The following OR9Q2 variants were observed in gnomAD, a reference collection of about 807,000 sequenced individuals.
OR9Q2 encodes the protein olfactory receptor 9Q2.
OR9Q2 carries 2 observed loss-of-function variants against 2.3 expected under a neutral mutation model. The observed-to-expected ratio is 0.85, with a 90% CI of 0.35 to 2.68. The LOEUF (loss-of-function observed/expected upper bound fraction) is 2.68. Ranked by LOEUF, OR9Q2 falls within the 30% of genes most tolerant of loss-of-function variation. The pLI, the probability that OR9Q2 is intolerant of heterozygous loss-of-function variation, is 0.10. For missense variants in OR9Q2, 404 were observed against 395.7 expected, an observed-to-expected ratio of 1.02 and a Z score of -0.18; for synonymous variants, 178 against 158.6, an observed-to-expected ratio of 1.12 and a Z score of -0.92.
At position 58,191,422 on chromosome 11, in the gene OR9Q2, C is replaced by T. The variant is rs1187018234; in HGVS notation, c.932C>T (p.Ala311Val). ...AAAGCCCTGAGCAAATCAAAGCCTG[C>T]TAGAAGACCCTAAATGGACCCTTGT... is the stretch of plus-strand genomic sequence containing the variant. ...TRKALSKSKP[A>V]RRP The change falls in exon 2 of 2, where the codon GCT becomes GTT. Residue 311 changes from alanine (A) to valine (V), a missense_variant. By Grantham distance (64) the Ala-to-Val change is moderately conservative (BLOSUM62 0). Transcript: ENST00000641291. 6.3e-7 allele frequency: 1 copy of T among 1,593,328 alleles called. No homozygotes were observed. The highest frequency in any genetic ancestry group is 8.6e-7 in the Non-Finnish European group (1 of 1,169,078).
rs775002294 is a variant in OR9Q2, at chr11:58,190,637, C to T, written c.147C>T (p.Ile49=). Residue 49 remains isoleucine (I), a synonymous_variant, in exon 2 of 2, where the codon ATC becomes ATT. Coordinates refer to ENST00000641291, the MANE Select transcript of OR9Q2 (RefSeq NM_001005283.3). The stretch of plus-strand genomic sequence containing the variant: ...GGAACACAGGCATGATCCTCCTGAT[C>T]CGTGGCGATCGTCGGCTCCACACCC... ...MLGNTGMILL[I]RGDRRLHTPM... is the part of the protein sequence containing the mutation. 7 of 1,614,026 alleles carry T rather than the reference C, an allele frequency of 4.3e-6. No individual in the cohort carries two copies. The Admixed American group carries it at 8.3e-5, about 19-fold the overall frequency.
At position 58,191,706 on chromosome 11, in the gene OR9Q2, T is replaced by TC; in HGVS notation, c.*273dup. ...TTTATCTGAGCTTCATTTCTATATG[T>TC]CCAGTTCCTAGCAAAGCACCTAGCA... On this transcript the variant is annotated 3_prime_UTR_variant, in exon 2 of 2. Transcript: ENST00000641291. 1 of 278,956 alleles carries TC rather than the reference T, an allele frequency of 3.6e-6. No individual in the cohort carries two copies. The highest frequency in any genetic ancestry group is 6.1e-5 in the East Asian group (1 of 16,338). 17.3% of individuals were successfully genotyped at this position (278,956 alleles called of 1,614,324 possible). A position where few individuals can be genotyped will look rare whatever the true frequency, so the allele number is the denominator to read the frequency against.
At position 58,192,336 on chromosome 11, in the gene OR9Q2, T is replaced by C. The variant is rs145691547; in HGVS notation, c.*901T>C. On this transcript the variant is annotated 3_prime_UTR_variant, in exon 2 of 2. Transcript: ENST00000641291. ...ATTCTCAAGGTCGGCAAGCAAGTAG[T>C]TGGGTGGGGCTTCCACCCAGCTAGG... The C allele has an allele frequency of 1.8e-3, 271 of 152,290 alleles. 1 individual carries two copies. Among genetic ancestry groups the C allele is most frequent in the African/African-American group, 6.0e-3 (250 of 41,562 alleles). 9.4% of individuals were successfully genotyped at this position (152,290 alleles called of 1,614,324 possible). A position where few individuals can be genotyped will look rare whatever the true frequency, so the allele number is the denominator to read the frequency against.
chr11:58,189,175 A>T (rs1419848811), intron 1 of OR9Q2, 67 bp downstream of exon 1: 1 of 152,188 alleles, frequency 6.6e-6, no homozygotes, highest in African/African-American at 2.4e-5. Flanking sequence ...GGGGTAGAGG[A>T]AAGAGAGAGA....
chr11:58,190,949 T>C lies in OR9Q2; in HGVS notation c.459T>C (p.Phe153=). The C allele has an allele frequency of 6.2e-7, 1 of 1,614,214 alleles. No individual in the cohort carries two copies. Among genetic ancestry groups the C allele is most frequent in the Middle Eastern group, 1.6e-4 (1 of 6,062 alleles). ...TCACTGGGGCTTACGTTGCTGGTTT[T>C]TTCAGTGCCTTTGTTCGAACGGTCA... ...GLVTGAYVAG[F]FSAFVRTVTA... is the part of the protein sequence containing the mutation. The change falls in exon 2 of 2, where the codon TTT becomes TTC. Residue 153 remains phenylalanine, a synonymous_variant. Transcript: ENST00000641291.
In OR9Q2 at chr11:58,193,372, ATATCCTAGG is replaced by A. The variant is rs1316830608; in HGVS notation, c.*1940_*1948del. The A allele has an allele frequency of 6.6e-6, 1 of 152,226 alleles. No individual in the cohort carries two copies. Among genetic ancestry groups the A allele is most frequent in the African/African-American group, 2.4e-5 (1 of 41,458 alleles). The allele number at this position is 152,226 out of a possible 1,614,324, so 9.4% of individuals were successfully genotyped here. The stretch of plus-strand genomic sequence containing the variant: ...ATTCTTAAGCTAGTGCACACTTACC[ATATCCTAGG>A]TACAATGCTAAAAGCTTTACATGAA... On this transcript the variant is annotated 3_prime_UTR_variant, in exon 2 of 2. Transcript: ENST00000641291.
chr11:58,191,081 G>A lies in OR9Q2; in HGVS notation c.591G>A (p.Val197=), dbSNP rs550186058. Residue 197 remains valine, a synonymous_variant, in exon 2 of 2, where the codon GTG becomes GTA. Coordinates refer to ENST00000641291, the MANE Select transcript of OR9Q2 (RefSeq NM_001005283.3). Reference sequence around the variant, plus strand: ...GTGGGGACAGCTACACTCAGGAAGTGGTGATTATTGTGTTTGCTCTTTTCG... The same window carrying A: ...GTGGGGACAGCTACACTCAGGAAGTAGTGATTATTGTGTTTGCTCTTTTCG... The part of the protein sequence containing the change: ...LSCGDSYTQE[V]VIIVFALFVM... 96 of 1,614,172 alleles carry A rather than the reference G, an allele frequency of 5.9e-5. 1 individual carries two copies. In the East Asian group the frequency reaches 2.0e-3, roughly 34 times the overall value.
intron 1 of OR9Q2, 134 bp from the exon 2 acceptor site, chr11:58,190,185 G>A (rs973768596): frequency 3.5e-5 from 12 of 338,468 alleles, no homozygotes; most frequent in Non-Finnish European, 5.9e-5. Context: ...GAGAGGTTAA[G>A]TGCCTTGTGT....
At position 58,190,422 on chromosome 11, in the gene OR9Q2, T is replaced by C; in HGVS notation, c.-69T>C. The C allele has an allele frequency of 9.6e-7, 1 of 1,036,752 alleles. No individual in the cohort carries two copies. Among genetic ancestry groups the C allele is most frequent in the Admixed American group, 2.1e-5 (1 of 47,420 alleles). The allele number at this position is 1,036,752 out of a possible 1,614,324, so 64.2% of individuals were successfully genotyped here. A position where few individuals can be genotyped will look rare whatever the true frequency, so the allele number is the denominator to read the frequency against. The stretch of plus-strand genomic sequence containing the variant: ...TTAAAGCTTTGTTACTTGAAATCAT[T>C]TGAACTCCTCTTGAGCTGTCCCCTC... On this transcript the variant is annotated 5_prime_UTR_variant, in exon 2 of 2. Transcript: ENST00000641291.
Position 58,190,553 on chromosome 11 carries a change from C to A in OR9Q2, c.63C>A (p.Leu21=). 6.2e-7 allele frequency: 1 copy of A among 1,614,112 alleles called. No homozygotes were observed. Among genetic ancestry groups the A allele is most frequent in the Admixed American group, 1.7e-5 (1 of 60,020 alleles). ...TCCTTACTGCATTTACTGAACATCTCCAGTGGAGGGTTCCTCTCTTCCTCA... is the reference window on the plus strand; with the variant it reads ...TCCTTACTGCATTTACTGAACATCTACAGTGGAGGGTTCCTCTCTTCCTCA... The part of the protein sequence containing the change: ...EFFLTAFTEH[L]QWRVPLFLIF... The change falls in exon 2 of 2, where the codon CTC becomes CTA. Residue 21 remains leucine, a synonymous_variant. Coordinates refer to ENST00000641291, the MANE Select transcript of OR9Q2 (RefSeq NM_001005283.3).
In OR9Q2 at chr11:58,190,311, T is replaced by C. The variant is rs1227063797; in HGVS notation, c.-172-8T>C. 2 of 581,054 alleles carry C rather than the reference T, an allele frequency of 3.4e-6. No individual in the cohort carries two copies. Among genetic ancestry groups the C allele is most frequent in the South Asian group, 2.3e-5 (1 of 43,340 alleles). The allele number at this position is 581,054 out of a possible 1,614,324, so 36.0% of individuals were successfully genotyped here. ...GAAGCATTCATCACTTTTTATCTTA[T>C]ATTACAGTGAGCTCAATATCTGTCT... is the stretch of plus-strand genomic sequence containing the variant. On this transcript the variant is annotated splice_region_variant and splice_polypyrimidine_tract_variant and intron_variant, in intron 1 of 1. Coordinates refer to ENST00000641291, the MANE Select transcript of OR9Q2 (RefSeq NM_001005283.3).
intron 1 of OR9Q2, among the ~76,000 whole-genome samples, chr11:58,189,582 T>C (rs1854739202): frequency 6.6e-6 from 1 of 152,192 alleles, no homozygotes; most frequent in Admixed American, 6.5e-5. Context: ...AGCCCTCCTT[T>C]ACAGCCCTGT....
chr11:58,190,865 C>T lies in OR9Q2; in HGVS notation c.375C>T (p.Ala125=). ...LAIMAYDRYT[A]VCQPLLYVTI... is the part of the protein sequence containing the mutation. ...TCATGGCCTATGACCGCTACACGGC[C>T]GTGTGCCAGCCCCTGCTTTATGTCA... is the stretch of plus-strand genomic sequence containing the variant. The change falls in exon 2 of 2, where the codon GCC becomes GCT. Residue 125 remains alanine, a synonymous_variant. Coordinates refer to ENST00000641291, the MANE Select transcript of OR9Q2 (RefSeq NM_001005283.3). 1.2e-6 allele frequency: 2 copies of T among 1,614,230 alleles called. No individual in the cohort carries two copies. Among genetic ancestry groups the T allele is most frequent in the Non-Finnish European group, 1.7e-6 (2 of 1,180,036 alleles).
rs927257898 is a variant in OR9Q2, at chr11:58,191,615, T to A, written c.*180T>A. On this transcript the variant is annotated 3_prime_UTR_variant, in exon 2 of 2. Coordinates refer to ENST00000641291, the MANE Select transcript of OR9Q2 (RefSeq NM_001005283.3). ...TTATCATCATCTGACATATTAGATG[T>A]TATATGTGTTTGACATTTTCTAATG... 12 of 498,986 alleles carry A rather than the reference T, an allele frequency of 2.4e-5. No homozygotes were observed. Among genetic ancestry groups the A allele is most frequent in the Non-Finnish European group, 4.2e-5 (12 of 283,584 alleles). 30.9% of individuals were successfully genotyped at this position (498,986 alleles called of 1,614,324 possible). A position where few individuals can be genotyped will look rare whatever the true frequency, so the allele number is the denominator to read the frequency against.
Position 58,191,582 on chromosome 11 carries a change from T to C in OR9Q2, c.*147T>C, listed in dbSNP as rs1854765755. ...CTCCACTTTCTGATTTATTATTCCATGTAATACTTATCATCATCTGACATA... is the reference window on the plus strand; with the variant it reads ...CTCCACTTTCTGATTTATTATTCCACGTAATACTTATCATCATCTGACATA... On this transcript the variant is annotated 3_prime_UTR_variant, in exon 2 of 2. Coordinates refer to ENST00000641291, the MANE Select transcript of OR9Q2 (RefSeq NM_001005283.3). 8.8e-6 allele frequency: 5 copies of C among 571,334 alleles called. No individual in the cohort carries two copies. The highest frequency in any genetic ancestry group is 1.2e-5 in the Non-Finnish European group (4 of 320,870). The allele number at this position is 571,334 out of a possible 1,614,324, so 35.4% of individuals were successfully genotyped here.
Position 58,191,154 on chromosome 11 carries a change from A to G in OR9Q2, c.664A>G (p.Ile222Val). ...GATCTTGGTATCCTACCTGTTTATC[A>G]TTGTGGCCATCCTGCAGATCCACTC... Reference protein sequence around the residue: ...LVILVSYLFIIVAILQIHSAG... With the variant: ...LVILVSYLFIVVAILQIHSAG... The change falls in exon 2 of 2, where the codon ATT becomes GTT. Residue 222 changes from isoleucine (I) to valine (V), a missense_variant. Physicochemically the swap from Ile to Val is conservative, Grantham distance 29. Coordinates refer to ENST00000641291, the MANE Select transcript of OR9Q2 (RefSeq NM_001005283.3). 1.2e-6 allele frequency: 2 copies of G among 1,614,040 alleles called. No individual in the cohort carries two copies. The highest frequency in any genetic ancestry group is 1.7e-6 in the Non-Finnish European group (2 of 1,180,002).
Position 58,191,358 on chromosome 11 carries a change from T to C in OR9Q2, c.868T>C (p.Tyr290His), listed in dbSNP as rs1368095205. The C allele has an allele frequency of 6.2e-7, 1 of 1,614,028 alleles. No homozygotes were observed. The highest frequency in any genetic ancestry group is 8.5e-7 in the Non-Finnish European group (1 of 1,179,990). ...VVTPMLNPLI[Y>H]SLRNKEVKEA... ...GACCCCAATGCTGAATCCCCTTATC[T>C]ATAGCCTGAGAAACAAGGAGGTAAA... The change falls in exon 2 of 2, where the codon TAT becomes CAT. Residue 290 changes from tyrosine to histidine, a missense_variant. By Grantham distance (83) the Tyr-to-His change is moderately conservative. Coordinates refer to ENST00000641291, the MANE Select transcript of OR9Q2 (RefSeq NM_001005283.3).
At position 58,193,116 on chromosome 11, in the gene OR9Q2, C is replaced by T. The variant is rs552274718; in HGVS notation, c.*1681C>T. 1.2e-3 allele frequency: 183 copies of T among 152,266 alleles called. No individual in the cohort carries two copies. Among genetic ancestry groups the T allele is most frequent in the African/African-American group, 4.0e-3 (167 of 41,556 alleles). The allele number at this position is 152,266 out of a possible 1,614,324, so 9.4% of individuals were successfully genotyped here. A position where few individuals can be genotyped will look rare whatever the true frequency, so the allele number is the denominator to read the frequency against. On this transcript the variant is annotated 3_prime_UTR_variant, in exon 2 of 2. Transcript: ENST00000641291. ...TATATTTGGATAATTGGAAGGCATT[C>T]GGTAATATTATAAACATTATTTAGT...
rs1230259438 is a variant in OR9Q2, at chr11:58,192,427, C to G, written c.*992C>G. The G allele has an allele frequency of 6.6e-6, 1 of 152,158 alleles. No homozygotes were observed. Among genetic ancestry groups the G allele is most frequent in the African/African-American group, 2.4e-5 (1 of 41,432 alleles). 9.4% of individuals were successfully genotyped at this position (152,158 alleles called of 1,614,324 possible). On this transcript the variant is annotated 3_prime_UTR_variant, in exon 2 of 2. Coordinates refer to ENST00000641291, the MANE Select transcript of OR9Q2 (RefSeq NM_001005283.3). ...ATCTATTGCCTATTCTATATAATCA[C>G]TCAACCGGAATTTATTGTTATTGCT...
Sources: allele counts gnomAD v4.1 joint callset (sites outside exome capture counted in the v4.1 genomes callset), GRCh38; gene constraint gnomAD v4.1.1; transcripts MANE v1.5; gene names NCBI Gene and HGNC (gene_info 2026-07-23, HGNC 2026-07-21).